SIX5: variants seen among roughly 807,000 people sequenced by gnomAD.
SIX5 encodes the protein SIX homeobox 5.
In SIX5, 21 loss-of-function variants were observed where a neutral mutation model predicts 37.1. That is an observed-to-expected ratio of 0.57 (90% confidence interval 0.40 to 0.81). The LOEUF (loss-of-function observed/expected upper bound fraction) is 0.81, where lower values mean the gene tolerates loss of function less well. SIX5 is among the 40% of genes least tolerant of loss of function. The pLI, the probability that SIX5 is intolerant of heterozygous loss-of-function variation, is 0.00. For synonymous variants in SIX5, 626 were observed against 505.9 expected, an observed-to-expected ratio of 1.24 and a Z score of -3.19; for missense variants, 1,137 against 1,025.1, an observed-to-expected ratio of 1.11 and a Z score of -1.49.
At position 45,766,082 on chromosome 19, in the gene SIX5, C is replaced by G. The variant is rs778794023; in HGVS notation, c.1639G>C (p.Gly547Arg). The G allele has an allele frequency of 1.2e-6, 2 of 1,611,928 alleles. No individual in the cohort carries two copies. Among genetic ancestry groups the G allele is most frequent in the South Asian group, 1.1e-5 (1 of 90,774 alleles). Residue 547 changes from glycine (G) to arginine (R), a missense_variant, in exon 3 of 3, where the codon GGC (glycine) becomes CGC (arginine). Gly to Arg is a moderately radical substitution (Grantham distance 125). Coordinates refer to ENST00000317578, the MANE Select transcript of SIX5 (RefSeq NM_175875.5). Reference sequence around the variant, plus strand: ...GCCACACCCGTCACGATGGGGCTGCCAGACACAGGGTTGGCCAGGAGGAAG... The same window carrying G: ...GCCACACCCGTCACGATGGGGCTGCGAGACACAGGGTTGGCCAGGAGGAAG... ...GNFLLANPVSGSPIVTGVALQ... is the reference protein window; with the variant it reads ...GNFLLANPVSRSPIVTGVALQ...
intron 1 of SIX5, 130 bp downstream of exon 1, chr19:45,767,912 A>G: frequency 9.9e-7 from 1 of 1,011,998 alleles, no homozygotes; most frequent in Non-Finnish European, 1.4e-6. Context: ...GGCGCCTGAG[A>G]TTGTGAGCTG....
Position 45,768,497 on chromosome 19 carries a change from C to T in SIX5, c.348G>A (p.Pro116=). ...GGTCGCTGCCACGTAGGCGCTCGGC[C>T]GGGGGCAGTGCGCCCAGGAAGCGGC... ...RLSRFLGALP[P]AERLRGSDPV... The change falls in exon 1 of 3, where the codon CCG becomes CCA. Residue 116 remains proline (P), a synonymous_variant. Transcript: ENST00000317578. The T allele has an allele frequency of 6.7e-7, 1 of 1,502,940 alleles. No individual in the cohort carries two copies. The highest frequency in any genetic ancestry group is 8.8e-7 in the Non-Finnish European group (1 of 1,133,554). The allele number at this position is 1,502,940 out of a possible 1,614,324, so 93.1% of individuals were successfully genotyped here. A position where few individuals can be genotyped will look rare whatever the true frequency, so the allele number is the denominator to read the frequency against.
In SIX5 at chr19:45,768,989, G is replaced by T; in HGVS notation, c.-145C>A. 1 of 775,146 alleles carries T rather than the reference G, an allele frequency of 1.3e-6. No individual in the cohort carries two copies. The allele number at this position is 775,146 out of a possible 1,614,324, so 48.0% of individuals were successfully genotyped here. A position where few individuals can be genotyped will look rare whatever the true frequency, so the allele number is the denominator to read the frequency against. ...TGGCCGACCCTGCGCCCCACGCCGG[G>T]AAGGCGAGATCCAGCTCTCCACTCG... On this transcript the variant is annotated 5_prime_UTR_variant, in exon 1 of 3. Transcript: ENST00000317578.
chr19:45,768,347 G>A lies in SIX5; in HGVS notation c.498C>T (p.Arg166=). The A allele has an allele frequency of 1.2e-6, 2 of 1,600,648 alleles. No homozygotes were observed. Among genetic ancestry groups the A allele is most frequent in the Non-Finnish European group, 1.7e-6 (2 of 1,175,366 alleles). Residue 166 remains arginine (R), a synonymous_variant, in exon 1 of 3, where the codon CGC becomes CGT. Coordinates refer to ENST00000317578, the MANE Select transcript of SIX5 (RefSeq NM_175875.5). ...HHAFLQDLYL[R]ARYHEAERAR... is the part of the protein sequence containing the mutation. Reference sequence around the variant, plus strand: ...CCCGCTCGGCCTCATGGTAGCGCGCGCGCAGGTAGAGGTCCTGCAGGAAGG... The same window carrying A: ...CCCGCTCGGCCTCATGGTAGCGCGCACGCAGGTAGAGGTCCTGCAGGAAGG...
Position 45,766,471 on chromosome 19 carries a change from C to T in SIX5, c.1488G>A (p.Leu496=). 1 of 1,530,334 alleles carries T rather than the reference C, an allele frequency of 6.5e-7. No homozygotes were observed. The highest frequency in any genetic ancestry group is 1.2e-5 in the South Asian group (1 of 81,406). The allele number at this position is 1,530,334 out of a possible 1,614,324, so 94.8% of individuals were successfully genotyped here. A position where few individuals can be genotyped will look rare whatever the true frequency, so the allele number is the denominator to read the frequency against. ...CAGGGCTGCCTGGCCCGGCTGCCAA[C>T]AGCTGCAGGGGCCCCACAGCCTGGG... ...TLPQAVGPLQ[L]LAAGPGSPVK... The change falls in exon 2 of 3, where the codon CTG becomes CTA. Residue 496 remains leucine, a synonymous_variant. Coordinates refer to ENST00000317578, the MANE Select transcript of SIX5 (RefSeq NM_175875.5).
rs758485052 is a variant in SIX5 at position 45,765,570 on chromosome 19, C to G, written c.2151G>C (p.Gly717=). 2 of 1,613,398 alleles carry G rather than the reference C, an allele frequency of 1.2e-6. No individual in the cohort carries two copies. The highest frequency in any genetic ancestry group is 1.7e-6 in the Non-Finnish European group (2 of 1,180,022). The change falls in exon 3 of 3, where the codon GGG becomes GGC. Residue 717 remains glycine, a synonymous_variant. Transcript: ENST00000317578. ...GATAGGEVDE[G]LEAEAKVLTQ... The stretch of plus-strand genomic sequence containing the variant: ...TCAGAACCTTGGCCTCAGCTTCCAA[C>G]CCCTCGTCAACCTCACCCCCTGCGG...
rs900045929 is a variant in SIX5 at position 45,765,004 on chromosome 19, CT to C, written c.*496del. 35 of 208,458 alleles carry C rather than the reference CT, an allele frequency of 1.7e-4. 2 individuals carry two copies. The highest frequency in any genetic ancestry group is 1.5e-3 in the Admixed American group (29 of 19,316). 12.9% of individuals were successfully genotyped at this position (208,458 alleles called of 1,614,324 possible). On this transcript the variant is annotated 3_prime_UTR_variant, in exon 3 of 3. Coordinates refer to ENST00000317578, the MANE Select transcript of SIX5 (RefSeq NM_175875.5). ...CCCACAGCTGCCCCACCCCCCGCCC[CT>C]GGCAGGAAATGCCACACTGGGGAGG...
Position 45,768,254 on chromosome 19 carries a change from G to A in SIX5, c.591C>T (p.Thr197=), listed in dbSNP as rs368693980. ...AGACTGTCTCCTCGCCGTCCCAGAT[G>A]GTCTTGGGCAGCGGGAACTTCTTGC... ...RLRKKFPLPK[T]IWDGEETVYC... The change falls in exon 1 of 3, where the codon ACC becomes ACT. Residue 197 remains threonine (T), a synonymous_variant. Transcript: ENST00000317578. The A allele has an allele frequency of 2.5e-6, 4 of 1,612,952 alleles. No individual in the cohort carries two copies. In the African/African-American group the frequency reaches 4.0e-5, roughly 16 times the overall value.
Position 45,765,212 on chromosome 19 carries a change from A to C in SIX5, c.*289T>G. The C allele has an allele frequency of 1.9e-6, 1 of 536,378 alleles. No homozygotes were observed. The highest frequency in any genetic ancestry group is 3.4e-6 in the Non-Finnish European group (1 of 295,590). The allele number at this position is 536,378 out of a possible 1,614,324, so 33.2% of individuals were successfully genotyped here. A position where few individuals can be genotyped will look rare whatever the true frequency, so the allele number is the denominator to read the frequency against. The stretch of plus-strand genomic sequence containing the variant: ...TCCGCTTACAGCTAGTACCAAGTGG[A>C]GGGGGCAGGGCCCCTGAGTCAGGAC... On this transcript the variant is annotated 3_prime_UTR_variant, in exon 3 of 3. Transcript: ENST00000317578.
rs1969057697 is a variant in SIX5, at chr19:45,765,789, CAGG to C, written c.1929_1931del (p.Leu644del). ...CTGGTGGGGGCGCCGGGAAGTTGGGCAGGAGGCCAGGGGAGTCAGGGGAGAAGG... is the reference window on the plus strand; with the variant it reads ...CTGGTGGGGGCGCCGGGAAGTTGGGCAGGCCAGGGGAGTCAGGGGAGAAGG... On this transcript the variant is annotated inframe_deletion, in exon 3 of 3. Coordinates refer to ENST00000317578, the MANE Select transcript of SIX5 (RefSeq NM_175875.5). The C allele has an allele frequency of 3.1e-6, 5 of 1,606,278 alleles. No individual in the cohort carries two copies. Among genetic ancestry groups the C allele is most frequent in the Non-Finnish European group, 4.2e-6 (5 of 1,179,854 alleles).
In SIX5 at chr19:45,768,175, G is replaced by T. The variant is rs1483489177; in HGVS notation, c.670C>A (p.Arg224Ser). 11 of 1,612,714 alleles carry T rather than the reference G, an allele frequency of 6.8e-6. No individual in the cohort carries two copies. Among genetic ancestry groups the T allele is most frequent in the Non-Finnish European group, 9.3e-6 (11 of 1,179,776 alleles). Residue 224 changes from arginine (R) to serine (S), a missense_variant, in exon 1 of 3, where the codon CGC becomes AGC. By Grantham distance (110) the Arg-to-Ser change is moderately radical (BLOSUM62 -1). Transcript: ENST00000317578. Reference protein sequence around the residue: ...AALKACYRGNRYPTPDEKRRL... With the variant: ...AALKACYRGNSYPTPDEKRRL... The stretch of plus-strand genomic sequence containing the variant: ...CGCTTCTCGTCCGGCGTGGGGTAGC[G>T]GTTGCCGCGGTAGCAGGCCTTGAGC...
intron 1 of SIX5, 90 bp downstream of exon 1, chr19:45,767,952 C>T: frequency 7.4e-7 from 1 of 1,349,644 alleles, no homozygotes; most frequent in Non-Finnish European, 1.0e-6. Flanking sequence ...GACCTCGGCG[C>T]GCCGGCCCCA....
rs574536767 is a variant in SIX5 at position 45,766,814 on chromosome 19, G to A, written c.1145C>T (p.Thr382Ile). Reference sequence around the variant, plus strand: ...TGTCTGAGGGTCCAGGACCAGAGAGGTCTTGGTCTCGCTGGCCCCCTGAGG... The same window carrying A: ...TGTCTGAGGGTCCAGGACCAGAGAGATCTTGGTCTCGCTGGCCCCCTGAGG... ...PSPQGASETKTSLVLDPQTGE... is the reference protein window; with the variant it reads ...PSPQGASETKISLVLDPQTGE... The change falls in exon 2 of 3, where the codon ACC becomes ATC. Residue 382 changes from threonine to isoleucine, a missense_variant. Physicochemically the swap from Thr to Ile is moderately conservative, Grantham distance 89 (BLOSUM62 -1). Transcript: ENST00000317578. The A allele has an allele frequency of 2.0e-5, 31 of 1,561,104 alleles. No individual in the cohort carries two copies. The highest frequency in any genetic ancestry group is 9.2e-5 in the Admixed American group (5 of 54,276).
Position 45,769,205 on chromosome 19 carries a change from C to G in SIX5, c.-361G>C, listed in dbSNP as rs754288321. 1.7e-4 allele frequency: 40 copies of G among 233,694 alleles called. No homozygotes were observed. Among genetic ancestry groups the G allele is most frequent in the Non-Finnish European group, 2.6e-4 (31 of 120,090 alleles). The allele number at this position is 233,694 out of a possible 1,614,324, so 14.5% of individuals were successfully genotyped here. On this transcript the variant is annotated 5_prime_UTR_variant, in exon 1 of 3. Transcript: ENST00000317578. ...AGGAGGACTAAGGGCGCGAAGCCTCCGCCCCGAGACTGAGCTTCTGCACGC... is the reference window on the plus strand; with the variant it reads ...AGGAGGACTAAGGGCGCGAAGCCTCGGCCCCGAGACTGAGCTTCTGCACGC...
rs368485758 is a variant in SIX5 at position 45,768,352 on chromosome 19, G to A, written c.493C>T (p.Leu165=). The stretch of plus-strand genomic sequence containing the variant: ...TCGGCCTCATGGTAGCGCGCGCGCA[G>A]GTAGAGGTCCTGCAGGAAGGCGTGG... ...AHHAFLQDLY[L]RARYHEAERA... Residue 165 remains leucine, a synonymous_variant, in exon 1 of 3, where the codon CTG becomes TTG. Coordinates refer to ENST00000317578, the MANE Select transcript of SIX5 (RefSeq NM_175875.5). 3.9e-4 allele frequency: 621 copies of A among 1,599,390 alleles called. 4 individuals are homozygous for A. The highest frequency in any genetic ancestry group is 2.3e-3 in the Admixed American group (135 of 58,448).
Position 45,765,901 on chromosome 19 carries a change from G to T in SIX5, c.1820C>A (p.Ala607Asp), listed in dbSNP as rs775769879. The stretch of plus-strand genomic sequence containing the variant: ...GCCTAGGGCGTGAGCCTCTGGGAGA[G>T]CAGGGCTGGGGGCCACCGGGAGGCC... ...EGGLPVAPSPALPEAHALGTL... is the reference protein window; with the variant it reads ...EGGLPVAPSPDLPEAHALGTL... The change falls in exon 3 of 3, where the codon GCT becomes GAT. Residue 607 changes from alanine (A) to aspartate (D), a missense_variant. Physicochemically the swap from Ala to Asp is moderately radical, Grantham distance 126. Coordinates refer to ENST00000317578, the MANE Select transcript of SIX5 (RefSeq NM_175875.5). 3.8e-6 allele frequency: 6 copies of T among 1,590,964 alleles called. No individual in the cohort carries two copies. The highest frequency in any genetic ancestry group is 1.1e-5 in the South Asian group (1 of 89,534).
At position 45,765,434 on chromosome 19, in the gene SIX5, C is replaced by T; in HGVS notation, c.*67G>A. 6.2e-7 allele frequency: 1 copy of T among 1,608,324 alleles called. No individual in the cohort carries two copies. The highest frequency in any genetic ancestry group is 8.5e-7 in the Non-Finnish European group (1 of 1,177,934). On this transcript the variant is annotated 3_prime_UTR_variant, in exon 3 of 3. Transcript: ENST00000317578. ...TTCAGCAACCGCATTTCTGGGGCTCCCCCCTCCCATTCCTGTCCCTGCGTC... is the reference window on the plus strand; with the variant it reads ...TTCAGCAACCGCATTTCTGGGGCTCTCCCCTCCCATTCCTGTCCCTGCGTC...
At position 45,766,618 on chromosome 19, in the gene SIX5, AGCAGGCACT is replaced by A. The variant is rs765235582; in HGVS notation, c.1332_1340del (p.Pro446_Val448del). 1.4e-6 allele frequency: 2 copies of A among 1,471,448 alleles called. No individual in the cohort carries two copies. Among genetic ancestry groups the A allele is most frequent in the Admixed American group, 2.5e-5 (1 of 40,570 alleles). 91.1% of individuals were successfully genotyped at this position (1,471,448 alleles called of 1,614,324 possible). ...GCGGTACCACTTGTGGGGCAGCCAC[AGCAGGCACT>A]GGCCCCGGGGGCAGAGGAAAGGTGG... On this transcript the variant is annotated inframe_deletion, in exon 2 of 3. Transcript: ENST00000317578.
chr19:45,766,114 G>C lies in SIX5; in HGVS notation c.1610-3C>G. 6.2e-7 allele frequency: 1 copy of C among 1,610,984 alleles called. No homozygotes were observed. Among genetic ancestry groups the C allele is most frequent in the Non-Finnish European group, 8.5e-7 (1 of 1,178,828 alleles). ...AGGGTTGGCCAGGAGGAAGTTTCCT[G>C]TGGGGAGAGAGGGACCGAGCGCAGG... On this transcript the variant is annotated splice_region_variant and splice_polypyrimidine_tract_variant and intron_variant, in intron 2 of 2. Coordinates refer to ENST00000317578, the MANE Select transcript of SIX5 (RefSeq NM_175875.5).
Sources: allele counts gnomAD v4.1 joint callset, GRCh38; gene constraint gnomAD v4.1.1; transcripts MANE v1.5; gene names NCBI Gene and HGNC (gene_info 2026-07-23, HGNC 2026-07-21).